Variants in KCNV2 observed in about 807,000 individuals in gnomAD.
The protein encoded by KCNV2 is potassium voltage-gated channel subfamily V member 2.
In KCNV2, 65 loss-of-function variants were observed where a neutral mutation model predicts 37.0. The observed-to-expected ratio is 1.76, with a 90% CI of 1.44 to 2.16. KCNV2 has a LOEUF of 2.16. Among genes scored for constraint, KCNV2 ranks in the 30% most tolerant of loss-of-function variants. KCNV2 has a pLI of 0.00. For synonymous variants in KCNV2, 518 were observed against 328.6 expected (o/e 1.58, Z -6.23); for missense variants, 1,232 against 766.7 (o/e 1.61, Z -7.17).
chr9:2,724,152 G>A (rs1393405683), intron 1 of KCNV2, among the ~76,000 whole-genome samples: 1 of 151,774 alleles, frequency 6.6e-6, no homozygotes, highest in African/African-American at 2.4e-5. Context: ...AGGAAACTAC[G>A]GCATGAACTC....
rs1485154443 is a variant in KCNV2 at position 2,722,619 on chromosome 9, ATTTATTTATAAATAAATTAGAAGTTC to A, written c.1356+3531_1356+3556del. ...TTTATTTATAAATAAATTAGAAGTTATTTATTTATAAATAAATTAGAAGTTCTTTATTGCCATAATAACGATACATC... is the reference window on the plus strand; with the variant it reads ...TTTATTTATAAATAAATTAGAAGTTATTTATTGCCATAATAACGATACATC... On this transcript the variant is annotated intron_variant, in intron 1 of 1. Transcript: ENST00000382082. Among the ~76,000 whole-genome samples the A allele has an allele frequency of 2.0e-3, 295 of 146,078 alleles. 1 individual carries two copies. Among genetic ancestry groups the A allele is most frequent in the African/African-American group, 7.2e-3 (269 of 37,460 alleles).
rs555999242 is a variant in KCNV2 at position 2,725,277 on chromosome 9, G to T, written c.1357-4169G>T. On this transcript the variant is annotated intron_variant, in intron 1 of 1. Transcript: ENST00000382082. ...GAACTGTAATATACAGATGAGGGTT[G>T]TTATTATCCTGAAGGTAGTCACCCA... Among the ~76,000 whole-genome samples, 11 of 152,310 alleles carry T rather than the reference G, an allele frequency of 7.2e-5. No individual in the cohort carries two copies. In the East Asian group the frequency reaches 2.1e-3, roughly 29 times the overall value.
At position 2,717,665 on chromosome 9, in the gene KCNV2, C is replaced by T. The variant is rs1404031740; in HGVS notation, c.-75C>T. On this transcript the variant is annotated 5_prime_UTR_variant, in exon 1 of 2. Coordinates refer to ENST00000382082, the MANE Select transcript of KCNV2 (RefSeq NM_133497.4). ...CAGTGCAGGCCACGTGATCCATCCT[C>T]CTAGAGGCAGTGAGCAGGTGAGGGA... is the stretch of plus-strand genomic sequence containing the variant. The T allele has an allele frequency of 1.3e-6, 2 of 1,592,138 alleles. No individual in the cohort carries two copies. The highest frequency in any genetic ancestry group is 1.3e-5 in the African/African-American group (1 of 74,566).
rs745598528 is a variant in KCNV2 at position 2,717,774 on chromosome 9, GCTACAGGCCCTGGAA to G, written c.37_51del (p.Tyr13_Asn17del). On this transcript the variant is annotated inframe_deletion, in exon 1 of 2. Coordinates refer to ENST00000382082, the MANE Select transcript of KCNV2 (RefSeq NM_133497.4). ...CAGAGTGAGAGGAGACGGTCCTGGA[GCTACAGGCCCTGGAA>G]CACGACGGAGAATGAGGGCAGCCAA... 1 of 1,614,234 alleles carries G rather than the reference GCTACAGGCCCTGGAA, an allele frequency of 6.2e-7. No individual in the cohort carries two copies. The highest frequency in any genetic ancestry group is 1.3e-5 in the African/African-American group (1 of 75,060).
At chr9:2,728,881 T>TAA (rs60674628) in intron 1 of KCNV2, among the ~76,000 whole-genome samples, 8,668 of 98,306 alleles carry the variant, frequency 0.088, 294 homozygotes, top group Admixed American at 0.14. Context: ...CTGTTTTAAA[T>TAA]AAAAAAAAAA....
chr9:2,718,634 C>T lies in KCNV2; in HGVS notation c.895C>T (p.Arg299Trp), dbSNP rs1452834739. Residue 299 changes from arginine to tryptophan, a missense_variant, in exon 1 of 2, where the codon CGG becomes TGG. By Grantham distance (101) the Arg-to-Trp change is moderately radical. Transcript: ENST00000382082. ...SGQGEGGPDL[R>W]PILEHVEMLC... ...GCAGGGCGAGGGCGGCCCAGACCTG[C>T]GGCCCATCCTGGAGCACGTGGAGAT... is the stretch of plus-strand genomic sequence containing the variant. 1.2e-6 allele frequency: 2 copies of T among 1,613,204 alleles called. No homozygotes were observed. Among genetic ancestry groups the T allele is most frequent in the Non-Finnish European group, 1.7e-6 (2 of 1,179,824 alleles).
chr9:2,719,176 C>T (rs1819815016), intron 1 of KCNV2, 81 bp downstream of exon 1: 2 of 1,515,244 alleles, frequency 1.3e-6, no homozygotes, highest in Non-Finnish European at 9.0e-7. Context: ...TATCAGCCAC[C>T]AGGCTTTGGC....
At position 2,718,089 on chromosome 9, in the gene KCNV2, G is replaced by A. The variant is rs1323989136; in HGVS notation, c.350G>A (p.Gly117Asp). The change falls in exon 1 of 2, where the codon GGC (glycine) becomes GAC (aspartate). Residue 117 changes from glycine to aspartate, a missense_variant. Gly to Asp is a moderately conservative substitution (Grantham distance 94, BLOSUM62 -1). Coordinates refer to ENST00000382082, the MANE Select transcript of KCNV2 (RefSeq NM_133497.4). ...CAGCTGGACTACTGCGAGCTGGCCG[G>A]CTTCCCCAAGACGCGCCTAGGTCGC... ...SYQLDYCELA[G>D]FPKTRLGRLA... 1.9e-6 allele frequency: 3 copies of A among 1,599,996 alleles called. No homozygotes were observed. The highest frequency in any genetic ancestry group is 1.7e-6 in the Non-Finnish European group (2 of 1,173,116).
Position 2,718,490 on chromosome 9 carries a change from G to T in KCNV2, c.751G>T (p.Glu251Ter), listed in dbSNP as rs748659440. 9 of 1,610,848 alleles carry T rather than the reference G, an allele frequency of 5.6e-6. No individual in the cohort carries two copies. The highest frequency in any genetic ancestry group is 6.8e-6 in the Non-Finnish European group (8 of 1,179,194). ...GCGGCGCCGCCTCTGGAACCTCATG[G>T]AGAAGCCATTCTCCTCGGTGGCCGC... The part of the protein sequence containing the change: ...PQRRRLWNLM[E>*]KPFSSVAAKA... The change falls in exon 1 of 2, where the codon GAG becomes TAG. Residue 251 changes from glutamate (E) to a stop codon, truncating the protein, a stop_gained. Coordinates refer to ENST00000382082, the MANE Select transcript of KCNV2 (RefSeq NM_133497.4). LOFTEE classifies it high-confidence loss of function.
chr9:2,718,056 ACAGCTAC>A lies in KCNV2; in HGVS notation c.323_329del (p.Tyr108TrpfsTer14). 8.1e-6 allele frequency: 13 copies of A among 1,608,168 alleles called. No homozygotes were observed. Among genetic ancestry groups the A allele is most frequent in the Non-Finnish European group, 1.1e-5 (13 of 1,176,994 alleles). On this transcript the variant is annotated frameshift_variant, in exon 1 of 2. Coordinates refer to ENST00000382082, the MANE Select transcript of KCNV2 (RefSeq NM_133497.4). LOFTEE classifies it high-confidence loss of function. ...ACGCTGAATGTGAACGTGGGTGGCC[ACAGCTAC>A]CAGCTGGACTACTGCGAGCTGGCCG...
Position 2,719,021 on chromosome 9 carries a change from G to A in KCNV2, c.1282G>A (p.Ala428Thr), listed in dbSNP as rs142146344. The change falls in exon 1 of 2, where the codon GCT becomes ACT. Residue 428 changes from alanine (A) to threonine (T), a missense_variant. By Grantham distance (58) the Ala-to-Thr change is moderately conservative. Coordinates refer to ENST00000382082, the MANE Select transcript of KCNV2 (RefSeq NM_133497.4). ...CATGGGCATCTTCACTTTCTCTGCG[G>A]CTGTCTACTCTGTGGAGCACGATGT... ...IAMGIFTFSA[A>T]VYSVEHDVPS... The A allele has an allele frequency of 4.3e-6, 7 of 1,612,800 alleles. No homozygotes were observed. The African/African-American group carries it at 8.0e-5, about 18-fold the overall frequency.
At chr9:2,722,308 GT>G (rs1208452965) in intron 1 of KCNV2, among the ~76,000 whole-genome samples, 1 of 123,224 alleles carries the variant, frequency 8.1e-6, no homozygotes, top group Non-Finnish European at 1.6e-5. Context: ...TAAATTAGAA[GT>G]TATTTATAAA....
In KCNV2 at chr9:2,718,101, C is replaced by A. The variant is rs772682207; in HGVS notation, c.362C>A (p.Thr121Lys). Residue 121 changes from threonine (T) to lysine (K), a missense_variant, in exon 1 of 2, where the codon ACG (threonine) becomes AAG (lysine). By Grantham distance (78) the Thr-to-Lys change is moderately conservative. Transcript: ENST00000382082. ...DYCELAGFPK[T>K]RLGRLATSTS... is the part of the protein sequence containing the mutation. ...TGCGAGCTGGCCGGCTTCCCCAAGA[C>A]GCGCCTAGGTCGCCTGGCCACCTCC... 6.3e-7 allele frequency: 1 copy of A among 1,599,800 alleles called. No individual in the cohort carries two copies. The highest frequency in any genetic ancestry group is 8.5e-7 in the Non-Finnish European group (1 of 1,173,162).
intron 1 of KCNV2, among the ~76,000 whole-genome samples, chr9:2,721,216 G>A (rs1162183416): frequency 1.3e-5 from 2 of 152,038 alleles, no homozygotes; most frequent in Non-Finnish European, 2.9e-5. Context: ...TTTATCAATG[G>A]TCTTTGTCCA....
chr9:2,726,789 T>G (rs954619825), intron 1 of KCNV2, among the ~76,000 whole-genome samples: 3 of 152,108 alleles, frequency 2.0e-5, no homozygotes, highest in Admixed American at 6.5e-5. Flanking sequence ...CCATCAATCA[T>G]TACCGCCTAA....
In KCNV2 at chr9:2,729,470, G is replaced by T. The variant is rs149648640; in HGVS notation, c.1381G>T (p.Gly461Ter). 15 of 1,613,746 alleles carry T rather than the reference G, an allele frequency of 9.3e-6. No individual in the cohort carries two copies. The highest frequency in any genetic ancestry group is 8.3e-5 in the Admixed American group (5 of 59,974). ...GGTGAGCATCTCCACCGTGGGCTACGGAGACATGTACCCAGAGACCCACCT... is the reference window on the plus strand; with the variant it reads ...GGTGAGCATCTCCACCGTGGGCTACTGAGACATGTACCCAGAGACCCACCT... Reference protein sequence around the residue: ...AAVSISTVGYGDMYPETHLGR... With the variant: ...AAVSISTVGY The change falls in exon 2 of 2, where the codon GGA becomes TGA. Residue 461 changes from glycine to a stop codon, truncating the protein, a stop_gained. Transcript: ENST00000382082. LOFTEE classifies it high-confidence loss of function.
At position 2,718,506 on chromosome 9, in the gene KCNV2, C is replaced by CGGTGGCCGCCAAGGCCATCGG; in HGVS notation, c.775_795dup (p.Ala259_Ala265dup). The CGGTGGCCGCCAAGGCCATCGG allele has an allele frequency of 2.5e-6, 4 of 1,610,624 alleles. No homozygotes were observed. The highest frequency in any genetic ancestry group is 3.4e-6 in the Non-Finnish European group (4 of 1,179,012). ...AACCTCATGGAGAAGCCATTCTCCTCGGTGGCCGCCAAGGCCATCGGGGTG... is the reference window on the plus strand; with the variant it reads ...AACCTCATGGAGAAGCCATTCTCCTCGGTGGCCGCCAAGGCCATCGGGGTGGCCGCCAAGGCCATCGGGGTG... On this transcript the variant is annotated inframe_insertion, in exon 1 of 2. Transcript: ENST00000382082.
chr9:2,727,788 G>A (rs142751734), intron 1 of KCNV2, among the ~76,000 whole-genome samples: 11 of 152,244 alleles, frequency 7.2e-5, no homozygotes, highest in African/African-American at 2.4e-4. Context: ...ACAACTCTGT[G>A]AGGTAGATAC....
chr9:2,721,262 G>A (rs751637368), intron 1 of KCNV2, among the ~76,000 whole-genome samples: 9 of 152,094 alleles, frequency 5.9e-5, no homozygotes, highest in South Asian at 2.1e-4. Context: ...AGTAAAATTC[G>A]TTACAAATTA....
Sources: allele counts gnomAD v4.1 joint callset (sites outside exome capture counted in the v4.1 genomes callset), GRCh38; gene constraint gnomAD v4.1.1; transcripts MANE v1.5; gene names NCBI Gene and HGNC (gene_info 2026-07-23, HGNC 2026-07-21).